Variants in STIMATE observed in about 807,000 individuals in gnomAD.
The protein encoded by STIMATE is STIM activating enhancer, also known as store-operated calcium entry regulator STIMATE.
Under a neutral mutation model 36.7 loss-of-function variants are expected in STIMATE, and 15 were observed. The observed-to-expected ratio is 0.41, with a 90% confidence interval of 0.27 to 0.63. The LOEUF is 0.63. Ranked by LOEUF, STIMATE falls within the 20% of genes least tolerant of loss-of-function variation. STIMATE has a pLI of 0.32. For synonymous variants in STIMATE, 163 were observed against 162.3 expected (o/e 1.00, Z -0.03); for missense variants, 305 against 397.3 (o/e 0.77, Z 1.98).
chr3:52,846,499 A>G (rs1409604570), intron 4 of STIMATE: 1 of 152,212 alleles, frequency 6.6e-6, no homozygotes, highest in Non-Finnish European at 1.5e-5. Context: ...AGCGCGCGGC[A>G]CCGCTTATTT....
chr3:52,885,977 T>G (rs1701682536), intron 1 of STIMATE, among the ~76,000 whole-genome samples: 4 of 152,230 alleles, frequency 2.6e-5, no homozygotes. Flanking sequence ...TATCTGTTAC[T>G]CCTTCATGGG....
intron 1 of STIMATE, among the ~76,000 whole-genome samples, chr3:52,888,000 T>G (rs11707935): frequency 0.038 from 3,937 of 104,750 alleles, 191 homozygotes; most frequent in African/African-American, 0.13. Flanking sequence ...ATCAGTTTTT[T>G]TTTTTTTTTT....
chr3:52,858,149 C>G, intron 1 of STIMATE, among the ~76,000 whole-genome samples: 1 of 152,066 alleles, frequency 6.6e-6, no homozygotes, highest in Non-Finnish European at 1.5e-5. Context: ...TTTAAGCCAC[C>G]CAGTCTGTGA....
chr3:52,842,918 C>A lies in STIMATE; in HGVS notation c.661G>T (p.Gly221Trp), dbSNP rs1232762105. ...TCTTCTAGCTTAGCTTTCGTCTTCCCCTTTCTCATGAGGAAATTGTCCACT... is the reference window on the plus strand; with the variant it reads ...TCTTCTAGCTTAGCTTTCGTCTTCCACTTTCTCATGAGGAAATTGTCCACT... ...WVVDNFLMRK[G>W]KTKAKLEERG... Residue 221 changes from glycine to tryptophan, a missense_variant, in exon 7 of 8, where the codon GGG becomes TGG. This residue lies in a region of STIMATE where 164 missense variants were observed against 257.9 expected (regional missense o/e 0.64). Transcript: ENST00000355083. 6.2e-7 allele frequency: 1 copy of A among 1,614,102 alleles called. No individual in the cohort carries two copies. The highest frequency in any genetic ancestry group is 2.2e-5 in the East Asian group (1 of 44,894).
chr3:52,847,500 G>T (rs1372906307), intron 4 of STIMATE: 1 of 1,289,740 alleles, frequency 7.8e-7, no homozygotes, highest in Non-Finnish European at 1.0e-6. Flanking sequence ...GGGCTGTGTG[G>T]CTTATTTCCC....
intron 1 of STIMATE, among the ~76,000 whole-genome samples, chr3:52,873,631 C>T (rs770955204): frequency 1.3e-5 from 2 of 152,098 alleles, no homozygotes; most frequent in African/African-American, 4.8e-5. Context: ...TCCAAGAGCC[C>T]TAGGGGTGGG....
intron 1 of STIMATE, among the ~76,000 whole-genome samples, chr3:52,878,608 T>G (rs1237833563): frequency 6.6e-6 from 1 of 152,230 alleles, no homozygotes; most frequent in African/African-American, 2.4e-5. Context: ...CTGGTCCCTT[T>G]GGATGACAAA....
rs530034902 is a variant in STIMATE at position 52,861,024 on chromosome 3, C to T, written c.161-5580G>A. On this transcript the variant is annotated intron_variant, in intron 1 of 7. Transcript: ENST00000355083. The stretch of plus-strand genomic sequence containing the variant: ...CAGGCAGGGTCCTAGGACCACAGAC[C>T]TTTCTTCATTAGTGGTGCTTTGCAG... 1.4e-3 allele frequency among the ~76,000 whole-genome samples: 209 copies of T among 152,316 alleles called. 1 individual carries two copies. The highest frequency in any genetic ancestry group is 2.4e-3 in the Non-Finnish European group (164 of 68,034).
chr3:52,886,594 C>A (rs1701689884), intron 1 of STIMATE, among the ~76,000 whole-genome samples: 1 of 152,234 alleles, frequency 6.6e-6, no homozygotes, highest in Admixed American at 6.5e-5. Flanking sequence ...CAAAAACTGG[C>A]TGGAGGACCT....
intron 1 of STIMATE, 140 bp from the exon 2 acceptor site, chr3:52,855,584 C>G: frequency 8.0e-7 from 1 of 1,242,592 alleles, no homozygotes; most frequent in Non-Finnish European, 1.1e-6. Flanking sequence ...TAACAACATA[C>G]AGTAAGCCCT....
At chr3:52,897,221 G>A in intron 1 of STIMATE, 70 bp downstream of exon 1, 1 of 1,505,198 alleles carries the variant, frequency 6.6e-7, no homozygotes, top group Non-Finnish European at 8.8e-7. Context: ...CGCGCAGGAG[G>A]GGCCCCCAGG....
intron 1 of STIMATE, among the ~76,000 whole-genome samples, chr3:52,869,648 G>T (rs1252589794): frequency 1.3e-5 from 2 of 152,194 alleles, no homozygotes; most frequent in African/African-American, 4.8e-5. Context: ...GTTAAGGAGG[G>T]ATACAGAGAC....
intron 1 of STIMATE, among the ~76,000 whole-genome samples, chr3:52,890,575 T>C (rs891049413): frequency 1.3e-5 from 2 of 152,208 alleles, no homozygotes; most frequent in Non-Finnish European, 2.9e-5. Context: ...GAAAGAATTA[T>C]CTCATCCAAA....
intron 1 of STIMATE, among the ~76,000 whole-genome samples, chr3:52,890,490 A>C (rs1701766104): frequency 6.6e-6 from 1 of 152,264 alleles, no homozygotes; most frequent in Admixed American, 6.5e-5. Flanking sequence ...GAGAGATTCT[A>C]CTGGCATTTA....
chr3:52,843,122 G>C (rs1454318013), intron 6 of STIMATE, 162 bp from the exon 7 acceptor site: 3 of 1,303,394 alleles, frequency 2.3e-6, no homozygotes, highest in Non-Finnish European at 2.1e-6. Context: ...CTTAGAAAGA[G>C]ATTCCCAGTC....
chr3:52,877,989 G>A (rs2106713913), intron 1 of STIMATE, among the ~76,000 whole-genome samples: 1 of 152,124 alleles, frequency 6.6e-6, no homozygotes, highest in South Asian at 2.1e-4. Flanking sequence ...AGCTACTCGG[G>A]AGGCAGAGGC....
intron 1 of STIMATE, among the ~76,000 whole-genome samples, chr3:52,875,162 G>A (rs1442556298): frequency 6.6e-6 from 1 of 152,178 alleles, no homozygotes; most frequent in African/African-American, 2.4e-5. Flanking sequence ...CATTGTGTAT[G>A]TTTCTACTTT....
At chr3:52,889,191 T>C (rs887396078) in intron 1 of STIMATE, among the ~76,000 whole-genome samples, 1 of 152,210 alleles carries the variant, frequency 6.6e-6, no homozygotes, top group Non-Finnish European at 1.5e-5. Context: ...TGCATGACTA[T>C]CCTGCCGTAG....
rs1008280692 is a variant in STIMATE at position 52,897,182 on chromosome 3, G to C, written c.160+109C>G. On this transcript the variant is annotated intron_variant, in intron 1 of 7. Transcript: ENST00000355083. ...CCCAGCCTGGGTTTGCGGGGGAGGA[G>C]CAATTCGGGTCCCAAGGCCTGAACT... The C allele has an allele frequency of 2.2e-6, 3 of 1,387,732 alleles. No individual in the cohort carries two copies. The African/African-American group carries it at 4.5e-5, about 21-fold the overall frequency. 86.0% of individuals were successfully genotyped at this position (1,387,732 alleles called of 1,614,324 possible).
Sources: gnomAD v4.1 joint callset for allele counts (sites outside exome capture counted in the v4.1 genomes callset) on GRCh38, gnomAD v4.1.1 for gene constraint, gnomAD v4.1.1 regional missense constraint, MANE v1.5 for transcripts, NCBI Gene and HGNC (gene_info 2026-07-23, HGNC 2026-07-21) for gene names.